The following SEZ6L variants were observed in gnomAD, a reference collection of about 807,000 sequenced individuals.
SEZ6L encodes seizure related 6 homolog like.
Under a neutral mutation model 106.2 loss-of-function variants are expected in SEZ6L, and 37 were observed. The ratio of observed to expected loss-of-function variants is 0.35; its 90% confidence interval spans 0.27 to 0.46. The LOEUF is 0.46. Ranked by LOEUF, SEZ6L falls within the 20% of genes least tolerant of loss-of-function variation. The pLI is 1.00. For missense variants in SEZ6L, 1,172 were observed against 1,332.8 expected, an observed-to-expected ratio of 0.88 and a Z score of 1.88; for synonymous variants, 541 against 570.4, an observed-to-expected ratio of 0.95 and a Z score of 0.73.
At chr22:26,237,899 GA>G (rs1602114705) in intron 1 of SEZ6L, among the ~76,000 whole-genome samples, 1 of 152,180 alleles carries the variant, frequency 6.6e-6, no homozygotes, top group East Asian at 1.9e-4. Flanking sequence ...GACTGCCTTG[GA>G]TGATTGGTTG....
chr22:26,246,483 C>T (rs532994846), intron 1 of SEZ6L, among the ~76,000 whole-genome samples: 1 of 152,154 alleles, frequency 6.6e-6, no homozygotes, highest in African/African-American at 2.4e-5. Context: ...TAGAAGCCAA[C>T]TCTCTCATAT....
intron 12 of SEZ6L, chr22:26,351,540 TGTTTGTTG>T (rs899740057): frequency 4.6e-5 from 11 of 238,120 alleles, no homozygotes; most frequent in Admixed American, 1.7e-4. Flanking sequence ...TTTGTTTGTT[TGTTTGTTG>T]GTTGGTTGGT....
At chr22:26,253,702 C>T (rs2145799759) in intron 1 of SEZ6L, among the ~76,000 whole-genome samples, 1 of 152,230 alleles carries the variant, frequency 6.6e-6, no homozygotes, top group East Asian at 1.9e-4. Flanking sequence ...TCAATGAGGG[C>T]AATGTTGCCC....
At chr22:26,357,482 C>T (rs1032012771) in intron 12 of SEZ6L, among the ~76,000 whole-genome samples, 1 of 152,186 alleles carries the variant, frequency 6.6e-6, no homozygotes, top group Non-Finnish European at 1.5e-5. Context: ...AGGAAGTCCT[C>T]CCTGATTTCC....
intron 1 of SEZ6L, among the ~76,000 whole-genome samples, chr22:26,214,082 A>G (rs2078233597): frequency 6.6e-6 from 1 of 152,274 alleles, no homozygotes. Flanking sequence ...TAGTATTTCA[A>G]GAATTCAAAG....
chr22:26,228,460 G>A (rs977209166), intron 1 of SEZ6L, among the ~76,000 whole-genome samples: 3 of 152,132 alleles, frequency 2.0e-5, no homozygotes, highest in Non-Finnish European at 4.4e-5. Flanking sequence ...CACTCCACAC[G>A]TTTTTACTGG....
At chr22:26,280,312 A>G (rs535535826) in intron 1 of SEZ6L, among the ~76,000 whole-genome samples, 1 of 152,290 alleles carries the variant, frequency 6.6e-6, no homozygotes, top group East Asian at 1.9e-4. Context: ...AAAGGTCTAT[A>G]ATGAAAATTC....
At chr22:26,244,702 T>A (rs1419198188) in intron 1 of SEZ6L, 1 of 150,118 alleles carries the variant, frequency 6.7e-6, no homozygotes, top group Non-Finnish European at 1.5e-5. Context: ...ATGTTGAGGG[T>A]AGGAAAAGTT....
At chr22:26,268,750 A>G (rs546352604) in intron 1 of SEZ6L, among the ~76,000 whole-genome samples, 58 of 152,330 alleles carry the variant, frequency 3.8e-4, no homozygotes, top group African/African-American at 1.3e-3. Flanking sequence ...TACCAGTAGT[A>G]CCACTGCCCT....
At chr22:26,295,734 C>T (rs977040073) in intron 3 of SEZ6L, among the ~76,000 whole-genome samples, 3 of 152,092 alleles carry the variant, frequency 2.0e-5, no homozygotes, top group Non-Finnish European at 4.4e-5. Flanking sequence ...TTAGAATGCA[C>T]CAGGCAAAGC....
At chr22:26,347,533 C>T (rs867014673) in intron 10 of SEZ6L, among the ~76,000 whole-genome samples, 186 bp from the exon 11 acceptor site, 1 of 152,174 alleles carries the variant, frequency 6.6e-6, no homozygotes, top group Non-Finnish European at 1.5e-5. Context: ...GTTCAGGGGC[C>T]CACAGAGAGA....
At chr22:26,293,782 A>G (rs78239801) in intron 2 of SEZ6L, among the ~76,000 whole-genome samples, 1 of 152,378 alleles carries the variant, frequency 6.6e-6, no homozygotes, top group African/African-American at 2.4e-5. Context: ...TTTTCAAAGC[A>G]CATTTGCTTT....
chr22:26,251,791 G>C (rs767157494), intron 1 of SEZ6L, among the ~76,000 whole-genome samples: 2 of 152,310 alleles, frequency 1.3e-5, no homozygotes, highest in Non-Finnish European at 2.9e-5. Context: ...AGCCAGGATG[G>C]ACATCTATAT....
At chr22:26,191,139 A>G (rs1327742527) in intron 1 of SEZ6L, among the ~76,000 whole-genome samples, 1 of 152,248 alleles carries the variant, frequency 6.6e-6, no homozygotes, top group Non-Finnish European at 1.5e-5. Context: ...AGGTCTCTCT[A>G]AGAGGCAAAC....
chr22:26,178,570 G>A (rs1939175302), intron 1 of SEZ6L, among the ~76,000 whole-genome samples: 1 of 152,170 alleles, frequency 6.6e-6, no homozygotes, highest in Non-Finnish European at 1.5e-5. Context: ...CCTGGGGTCT[G>A]GAGCTCAGGA....
intron 9 of SEZ6L, among the ~76,000 whole-genome samples, chr22:26,320,192 G>A (rs74872037): frequency 0.016 from 2,425 of 152,230 alleles, 64 homozygotes; most frequent in African/African-American, 0.055. Flanking sequence ...AGCGGGAGGG[G>A]GACTTCAAGG....
At position 26,331,808 on chromosome 22, in the gene SEZ6L, T is replaced by C. The variant is rs373292799; in HGVS notation, c.2016-8628T>C. Reference sequence around the variant, plus strand: ...GAACAGCCCAGCCAACATGGTGAAATGCTGTCTCCACTAAAAACACAAAAA... The same window carrying C: ...GAACAGCCCAGCCAACATGGTGAAACGCTGTCTCCACTAAAAACACAAAAA... On this transcript the variant is annotated intron_variant, in intron 9 of 16. Coordinates refer to ENST00000248933, the MANE Select transcript of SEZ6L (RefSeq NM_021115.5). Among the ~76,000 whole-genome samples the C allele has an allele frequency of 3.3e-3, 504 of 151,918 alleles. 7 individuals carry two copies. Among genetic ancestry groups the C allele is most frequent in the African/African-American group, 0.011 (466 of 41,444 alleles).
chr22:26,210,109 G>A (rs1334432101), intron 1 of SEZ6L, among the ~76,000 whole-genome samples: 1 of 152,160 alleles, frequency 6.6e-6, no homozygotes, highest in Non-Finnish European at 1.5e-5. Context: ...GAGGAATTGG[G>A]AGGATGACAC....
chr22:26,345,166 C>G (rs1029507224), intron 10 of SEZ6L, among the ~76,000 whole-genome samples: 4 of 152,154 alleles, frequency 2.6e-5, no homozygotes, highest in African/African-American at 9.7e-5. Flanking sequence ...CTAGAAACCT[C>G]TACTTAGGGT....
Sources: allele counts gnomAD v4.1 joint callset (sites outside exome capture counted in the v4.1 genomes callset), GRCh38; gene constraint gnomAD v4.1.1; transcripts MANE v1.5; gene names NCBI Gene and HGNC (gene_info 2026-07-23, HGNC 2026-07-21).